PPP4R1: variants seen among roughly 807,000 people sequenced by gnomAD.
The protein encoded by PPP4R1 is serine/threonine-protein phosphatase 4 regulatory subunit 1.
Under a neutral mutation model 111.2 loss-of-function variants are expected in PPP4R1, and 42 were observed. The observed-to-expected ratio is 0.38, with a 90% CI of 0.29 to 0.49. PPP4R1 has a LOEUF of 0.49. PPP4R1 is among the 20% of genes least tolerant of loss of function. The pLI is 0.97. For missense variants in PPP4R1, 1,012 were observed against 1,161.6 expected (o/e 0.87, Z 1.87); for synonymous variants, 409 against 405.5 (o/e 1.01, Z -0.10).
In PPP4R1 at chr18:9,547,965, T is replaced by C. The variant is rs749016030; in HGVS notation, c.2690-13A>G. On this transcript the variant is annotated splice_polypyrimidine_tract_variant and intron_variant, in intron 19 of 19. Coordinates refer to ENST00000400556, the MANE Select transcript of PPP4R1 (RefSeq NM_001042388.3). ...GCCAAGAAATAGTCTGGAAATGACATGTGCATAGGACAGATGAAACCAGTC... is the reference window on the plus strand; with the variant it reads ...GCCAAGAAATAGTCTGGAAATGACACGTGCATAGGACAGATGAAACCAGTC... 1.2e-6 allele frequency: 2 copies of C among 1,613,440 alleles called. No homozygotes were observed. The highest frequency in any genetic ancestry group is 1.1e-5 in the South Asian group (1 of 91,040).
Position 9,574,821 on chromosome 18 carries a change from G to T in PPP4R1, c.1046+2243C>A, listed in dbSNP as rs143964166. ...TAAGACAGCACTTTGTTAAACGAGG[G>T]TATGGATGGAACAAGAAGCTTCCCA... is the stretch of plus-strand genomic sequence containing the variant. On this transcript the variant is annotated intron_variant, in intron 10 of 19. Coordinates refer to ENST00000400556, the MANE Select transcript of PPP4R1 (RefSeq NM_001042388.3). Among the ~76,000 whole-genome samples the T allele has an allele frequency of 3.6e-3, 554 of 152,322 alleles. 3 individuals are homozygous for T. Among genetic ancestry groups the T allele is most frequent in the African/African-American group, 0.012 (518 of 41,568 alleles).
intron 15 of PPP4R1, among the ~76,000 whole-genome samples, chr18:9,555,858 C>T (rs1263282917): frequency 6.6e-6 from 1 of 151,930 alleles, no homozygotes; most frequent in South Asian, 2.1e-4. Context: ...AATTTTAGGC[C>T]AGGCATGGTG....
intron 4 of PPP4R1, among the ~76,000 whole-genome samples, chr18:9,589,290 A>T (rs976473692): frequency 6.6e-6 from 1 of 152,218 alleles, no homozygotes; most frequent in Non-Finnish European, 1.5e-5. Flanking sequence ...AATAAATGAA[A>T]GATATATAAT....
chr18:9,588,153 C>T lies in PPP4R1; in HGVS notation c.521G>A (p.Cys174Tyr). 1 of 1,614,182 alleles carries T rather than the reference C, an allele frequency of 6.2e-7. No homozygotes were observed. The highest frequency in any genetic ancestry group is 2.2e-5 in the East Asian group (1 of 44,872). The change falls in exon 6 of 20, where the codon TGC becomes TAC. Residue 174 changes from cysteine (C) to tyrosine (Y), a missense_variant. Coordinates refer to ENST00000400556, the MANE Select transcript of PPP4R1 (RefSeq NM_001042388.3). Reference protein sequence around the residue: ...IERFDVETKVCPVLIELTAPD... With the variant: ...IERFDVETKVYPVLIELTAPD... Reference sequence around the variant, plus strand: ...GGCTGTCAGCTCTATGAGGACAGGGCACACTTTGGTCTCCACATCAAATCG... The same window carrying T: ...GGCTGTCAGCTCTATGAGGACAGGGTACACTTTGGTCTCCACATCAAATCG...
At chr18:9,606,602 A>C (rs1289024227) in intron 2 of PPP4R1, among the ~76,000 whole-genome samples, 1 of 152,206 alleles carries the variant, frequency 6.6e-6, no homozygotes, top group Admixed American at 6.5e-5. Context: ...TTAGAAATGC[A>C]AAATTGTCCT....
At position 9,588,718 on chromosome 18, in the gene PPP4R1, T is replaced by C. The variant is rs1158134913; in HGVS notation, c.431A>G (p.Asn144Ser). ...PIVVRYLADQ[N>S]NQVRKTSQAA... Reference sequence around the variant, plus strand: ...TATAAATGGTACTCTTACCTGATTATTCTGATCTGCAAGGTATCTAACCAC... The same window carrying C: ...TATAAATGGTACTCTTACCTGATTACTCTGATCTGCAAGGTATCTAACCAC... The change falls in exon 5 of 20, where the codon AAT becomes AGT. Residue 144 changes from asparagine (N) to serine (S), a missense_variant. By Grantham distance (46) the Asn-to-Ser change is conservative. Coordinates refer to ENST00000400556, the MANE Select transcript of PPP4R1 (RefSeq NM_001042388.3). 5 of 1,609,272 alleles carry C rather than the reference T, an allele frequency of 3.1e-6. No individual in the cohort carries two copies. In the Admixed American group the frequency reaches 8.4e-5, roughly 27 times the overall value.
chr18:9,552,001 C>T (rs2144977477), intron 16 of PPP4R1: 1 of 152,550 alleles, frequency 6.6e-6, no homozygotes, highest in East Asian at 1.9e-4. Context: ...TGGACTCACA[C>T]CCCGGCACTA....
chr18:9,588,495 G>A (rs1406531443), intron 5 of PPP4R1, among the ~76,000 whole-genome samples: 2 of 152,200 alleles, frequency 1.3e-5, no homozygotes, highest in Non-Finnish European at 2.9e-5. Flanking sequence ...GGGACCGCTA[G>A]GAGGTTACCA....
intron 11 of PPP4R1, among the ~76,000 whole-genome samples, chr18:9,566,404 C>T (rs2066765306): frequency 6.6e-6 from 1 of 151,244 alleles, no homozygotes; most frequent in Non-Finnish European, 1.5e-5. Context: ...AATCCCAGCA[C>T]TTTGGGAGGC....
chr18:9,556,353 C>T (rs868825846), intron 15 of PPP4R1, among the ~76,000 whole-genome samples: 109 of 151,720 alleles, frequency 7.2e-4, no homozygotes, highest in African/African-American at 2.5e-3. Flanking sequence ...CCACCACGCC[C>T]AGCTAATTTT....
At chr18:9,581,876 C>A (rs143052159) in intron 9 of PPP4R1, among the ~76,000 whole-genome samples, 211 of 152,072 alleles carry the variant, frequency 1.4e-3, no homozygotes, top group African/African-American at 4.8e-3. Context: ...TATGATTAAC[C>A]GCTGACTTCA....
chr18:9,607,584 A>C (rs1254797980), intron 2 of PPP4R1, among the ~76,000 whole-genome samples: 2 of 152,264 alleles, frequency 1.3e-5, no homozygotes, highest in African/African-American at 4.8e-5. Context: ...ACATAAAAAG[A>C]GTAACATAAT....
chr18:9,606,941 G>A (rs780353623), intron 2 of PPP4R1, among the ~76,000 whole-genome samples: 5 of 151,986 alleles, frequency 3.3e-5, no homozygotes, highest in Non-Finnish European at 7.4e-5. Flanking sequence ...TTTTCCCACA[G>A]GTAATCCAAA....
Position 9,546,992 on chromosome 18 carries a change from A to T in PPP4R1, c.*797T>A, listed in dbSNP as rs947256126. 2.0e-5 allele frequency: 3 copies of T among 152,328 alleles called. No individual in the cohort carries two copies. Among genetic ancestry groups the T allele is most frequent in the Non-Finnish European group, 4.4e-5 (3 of 68,008 alleles). The allele number at this position is 152,328 out of a possible 1,614,324, so 9.4% of individuals were successfully genotyped here. Reference sequence around the variant, plus strand: ...AAACAGCATGATTAAAGACTGCAGCACTCCCAAGAGTGGTCACAGGTATGT... The same window carrying T: ...AAACAGCATGATTAAAGACTGCAGCTCTCCCAAGAGTGGTCACAGGTATGT... On this transcript the variant is annotated 3_prime_UTR_variant, in exon 20 of 20. Transcript: ENST00000400556.
intron 14 of PPP4R1, 99 bp from the exon 15 acceptor site, chr18:9,557,481 A>C: frequency 9.2e-7 from 1 of 1,085,322 alleles, no homozygotes; most frequent in South Asian, 2.2e-5. Flanking sequence ...GAATGTTACT[A>C]ACCTCAAAAA....
chr18:9,589,815 T>A (rs1013056502), intron 4 of PPP4R1: 1 of 152,334 alleles, frequency 6.6e-6, no homozygotes, highest in Non-Finnish European at 1.5e-5. Flanking sequence ...GTAGAATCAC[T>A]TGAACACGGG....
At chr18:9,549,707 T>C (rs151088817) in intron 18 of PPP4R1, 1 of 466,150 alleles carries the variant, frequency 2.1e-6, no homozygotes, top group African/African-American at 1.9e-5. Context: ...TGAGGAACAG[T>C]GAGGAACATG....
At position 9,614,332 on chromosome 18, in the gene PPP4R1, C is replaced by A. The variant is rs1054767387; in HGVS notation, c.8-62G>T. 25 of 1,099,248 alleles carry A rather than the reference C, an allele frequency of 2.3e-5. No homozygotes were observed. The East Asian group carries it at 5.3e-4, about 23-fold the overall frequency. 68.1% of individuals were successfully genotyped at this position (1,099,248 alleles called of 1,614,324 possible). A position where few individuals can be genotyped will look rare whatever the true frequency, so the allele number is the denominator to read the frequency against. On this transcript the variant is annotated intron_variant, in intron 1 of 19. Transcript: ENST00000400556. This position sits in a 1 kb window ranked among gnomAD's most constrained non-coding sequence, Gnocchi z 4.1. ...CCCCGGGGCCCGGCGCGACGCCCCC[C>A]CCCCGCCCGCCTCCCCCCCGCCCCG...
At chr18:9,609,731 T>A (rs999458963) in intron 2 of PPP4R1, among the ~76,000 whole-genome samples, 1 of 152,236 alleles carries the variant, frequency 6.6e-6, no homozygotes, top group Admixed American at 6.5e-5. Flanking sequence ...CTAAACCACA[T>A]GCAGCATCCC....
Sources: allele counts gnomAD v4.1 joint callset (sites outside exome capture counted in the v4.1 genomes callset), GRCh38; gene constraint gnomAD v4.1.1; non-coding constraint Gnocchi (gnomAD v3.1); transcripts MANE v1.5; gene names NCBI Gene and HGNC (gene_info 2026-07-23, HGNC 2026-07-21).